The following MATN4 variants were observed in gnomAD, a reference collection of about 807,000 sequenced individuals.
MATN4 encodes matrilin-4.
A neutral mutation model predicts 54.6 loss-of-function variants in MATN4; 40 were observed. The observed-to-expected ratio is 0.73, with a 90% CI of 0.57 to 0.95. MATN4 has a LOEUF of 0.95. Ranked by LOEUF, MATN4 falls within the 40% of genes least tolerant of loss-of-function variation. The pLI, the probability that MATN4 is intolerant of heterozygous loss-of-function variation, is 0.00. For missense variants in MATN4, 810 were observed against 819.1 expected (o/e 0.99, Z 0.13); for synonymous variants, 351 against 345.3 (o/e 1.02, Z -0.18).
At position 45,304,348 on chromosome 20, in the gene MATN4, G is replaced by T; in HGVS notation, c.523C>A (p.Arg175Ser). 6.6e-7 allele frequency: 1 copy of T among 1,506,794 alleles called. No individual in the cohort carries two copies. Among genetic ancestry groups the T allele is most frequent in the Non-Finnish European group, 8.9e-7 (1 of 1,128,444 alleles). The allele number at this position is 1,506,794 out of a possible 1,614,324, so 93.3% of individuals were successfully genotyped here. The change falls in exon 3 of 10, where the codon CGC becomes AGC. Residue 175 changes from arginine (R) to serine (S), a missense_variant. Transcript: ENST00000372756. ...GCGCGCAGGGAGCCCACGTCCGCGC[G>T]CTGCACCCCCACCGCGTAAATTTCA... ...GIEIYAVGVQ[R>S]ADVGSLRAMA...
chr20:45,301,375 A>C lies in MATN4; in HGVS notation c.712T>G (p.Phe238Val). The change falls in exon 4 of 10, where the codon TTC becomes GTC. Residue 238 changes from phenylalanine (F) to valine (V), a missense_variant. By Grantham distance (50) the Phe-to-Val change is conservative (BLOSUM62 -1). Coordinates refer to ENST00000372756, the MANE Select transcript of MATN4 (RefSeq NM_001393530.1). ...ACAAAGCCAACTTGGCAGTGACAGA[A>C]ATAGGAGCCTGGGGAATTGACGCAG... The part of the protein sequence containing the change: ...HHCVNSPGSY[F>V]CHCQVGFVLQ... The C allele has an allele frequency of 6.2e-7, 1 of 1,614,142 alleles. No homozygotes were observed. The highest frequency in any genetic ancestry group is 1.7e-5 in the Admixed American group (1 of 60,030).
rs961418965 is a variant in MATN4 at position 45,303,525 on chromosome 20, G to A, written c.643+703C>T. 51 of 703,896 alleles carry A rather than the reference G, an allele frequency of 7.2e-5. No homozygotes were observed. In the Admixed American group the frequency reaches 9.4e-4, roughly 13 times the overall value. 43.6% of individuals were successfully genotyped at this position (703,896 alleles called of 1,614,324 possible). ...ACTGGTCCTTCCCTGAGGACACACA[G>A]GACTAGAATCAGTAGGGAACAGATG... On this transcript the variant is annotated intron_variant, in intron 3 of 9. Transcript: ENST00000372756.
chr20:45,299,952 T>C (rs1043878123), intron 6 of MATN4, among the ~76,000 whole-genome samples: 4 of 124,988 alleles, frequency 3.2e-5, no homozygotes, highest in African/African-American at 6.4e-5. Context: ...AGCAAGAAAA[T>C]TGGTGTGTGT....
chr20:45,303,348 G>A, intron 3 of MATN4: 1 of 700,868 alleles, frequency 1.4e-6, no homozygotes, highest in Non-Finnish European at 2.7e-6. Context: ...GCCAAAGAAG[G>A]TTCAGGAGCA....
rs1051015374 is a variant in MATN4, at chr20:45,297,767, G to C, written c.1579+151C>G. On this transcript the variant is annotated intron_variant, in intron 8 of 9. Transcript: ENST00000372756. ...CTACCGGGTGACCGCCCTGCCGCTG[G>C]CCTGCAGACCACATTTGGAGTAGCA... The C allele has an allele frequency of 1.4e-5, 13 of 922,450 alleles. No homozygotes were observed. The African/African-American group carries it at 1.6e-4, about 12-fold the overall frequency. 57.1% of individuals were successfully genotyped at this position (922,450 alleles called of 1,614,324 possible).
chr20:45,304,148 T>G, intron 3 of MATN4, 80 bp downstream of exon 3: 7 of 1,244,052 alleles, frequency 5.6e-6, no homozygotes, highest in Non-Finnish European at 7.6e-6. Flanking sequence ...CCCCACGGGA[T>G]GGGATTTACT....
rs183857445 is a variant in MATN4, at chr20:45,304,164, G to T, written c.643+64C>A. 67 of 1,366,526 alleles carry T rather than the reference G, an allele frequency of 4.9e-5. No homozygotes were observed. In the East Asian group the frequency reaches 9.6e-4, roughly 20 times the overall value. The allele number at this position is 1,366,526 out of a possible 1,614,324, so 84.7% of individuals were successfully genotyped here. ...CCCACGGGATGGGATTTACTGTGGT[G>T]GGAAAGGAATCCAAGCATTTGGATT... On this transcript the variant is annotated intron_variant, in intron 3 of 9. Coordinates refer to ENST00000372756, the MANE Select transcript of MATN4 (RefSeq NM_001393530.1).
intron 8 of MATN4, among the ~76,000 whole-genome samples, chr20:45,295,007 C>T (rs868545824): frequency 6.6e-4 from 101 of 152,300 alleles, no homozygotes; most frequent in African/African-American, 2.2e-3. Flanking sequence ...CCATCACCCA[C>T]GGATGGCACC....
At chr20:45,294,107 T>C (rs1985662101) in intron 8 of MATN4, 92 bp from the exon 9 acceptor site, 1 of 998,602 alleles carries the variant, frequency 1.0e-6, no homozygotes, top group African/African-American at 1.6e-5. Flanking sequence ...GTTGAGTATA[T>C]GGGCTTTGGA....
chr20:45,298,490 T>A lies in MATN4; in HGVS notation c.1106A>T (p.Asn369Ile). 2.5e-6 allele frequency: 4 copies of A among 1,613,652 alleles called. No individual in the cohort carries two copies. Among genetic ancestry groups the A allele is most frequent in the Non-Finnish European group, 3.4e-6 (4 of 1,179,766 alleles). Reference sequence around the variant, plus strand: ...CACATCTAGGAAGTCCACAATCTGGTTCACGAAGCGCTTCACTAGCTCGAA... The same window carrying A: ...CACATCTAGGAAGTCCACAATCTGGATCACGAAGCGCTTCACTAGCTCGAA... ...QNFELVKRFV[N>I]QIVDFLDVSP... The change falls in exon 7 of 10, where the codon AAC (asparagine) becomes ATC (isoleucine). Residue 369 changes from asparagine to isoleucine, a missense_variant. Asn to Ile is a moderately radical substitution (Grantham distance 149, BLOSUM62 -3). Transcript: ENST00000372756. The surrounding 1 kb of genome is among the most constrained non-coding windows in gnomAD (Gnocchi z 4.6).
In MATN4 at chr20:45,304,545, T is replaced by A; in HGVS notation, c.326A>T (p.Gln109Leu). The A allele has an allele frequency of 4.4e-6, 7 of 1,596,658 alleles. No individual in the cohort carries two copies. The highest frequency in any genetic ancestry group is 1.7e-5 in the Admixed American group (1 of 59,646). The change falls in exon 3 of 10, where the codon CAA becomes CTA. Residue 109 changes from glutamine (Q) to leucine (L), a missense_variant. Transcript: ENST00000372756. ...RAIRDLVPLA[Q>L]GTMTGLAIQY... Reference sequence around the variant, plus strand: ...GATTGCCAGTCCCGTCATGGTGCCTTGCGCCAGAGGCACCAGGTCGCGGAT... The same window carrying A: ...GATTGCCAGTCCCGTCATGGTGCCTAGCGCCAGAGGCACCAGGTCGCGGAT...
intron 8 of MATN4, among the ~76,000 whole-genome samples, chr20:45,294,549 G>A (rs1985691640): frequency 6.6e-6 from 1 of 152,252 alleles, no homozygotes; most frequent in South Asian, 2.1e-4. Context: ...ACATGTGGCT[G>A]TTTAACACTT....
intron 1 of MATN4, among the ~76,000 whole-genome samples, chr20:45,306,168 A>C (rs1294994339): frequency 2.0e-5 from 3 of 152,150 alleles, no homozygotes; most frequent in African/African-American, 7.2e-5. Flanking sequence ...AAACAGAAAA[A>C]AACAGGTCTT....
Position 45,300,949 on chromosome 20 carries a change from A to T in MATN4, c.950T>A (p.Leu317His), listed in dbSNP as rs1477113177. ...GCEFQCVSEG[L>H]SYRCLCPEGR... Reference sequence around the variant, plus strand: ...CTCGGGGCACAGGCAGCGGTAGGAGAGGCCCTCGCTCACACACTGGAACTC... The same window carrying T: ...CTCGGGGCACAGGCAGCGGTAGGAGTGGCCCTCGCTCACACACTGGAACTC... Residue 317 changes from leucine to histidine, a missense_variant, in exon 6 of 10, where the codon CTC (leucine) becomes CAC (histidine). Coordinates refer to ENST00000372756, the MANE Select transcript of MATN4 (RefSeq NM_001393530.1). 3 of 1,614,022 alleles carry T rather than the reference A, an allele frequency of 1.9e-6. No individual in the cohort carries two copies. The Admixed American group carries it at 5.0e-5, about 27-fold the overall frequency.
At chr20:45,307,123 C>T (rs1426576244) in intron 1 of MATN4, among the ~76,000 whole-genome samples, 1 of 152,056 alleles carries the variant, frequency 6.6e-6, no homozygotes, top group Non-Finnish European at 1.5e-5. Flanking sequence ...TCTTGAGGCC[C>T]CCTGGCGCCT....
chr20:45,296,137 C>A (rs937813123), intron 8 of MATN4, among the ~76,000 whole-genome samples: 5 of 148,170 alleles, frequency 3.4e-5, no homozygotes, highest in Admixed American at 6.8e-5. Flanking sequence ...ATCGCTTGAA[C>A]CTGGCAGGCA....
chr20:45,308,259 C>CA lies in MATN4; in HGVS notation c.-120_-119insT. On this transcript the variant is annotated 5_prime_UTR_variant, in exon 1 of 10. Coordinates refer to ENST00000372756, the MANE Select transcript of MATN4 (RefSeq NM_001393530.1). The stretch of plus-strand genomic sequence containing the variant: ...CCCGGGCACTTGGACCAGGTAACGG[C>CA]GGCGTGGCAGCGTGCCCTAGGTGGG... 6.3e-7 allele frequency: 1 copy of CA among 1,591,198 alleles called. No homozygotes were observed. The highest frequency in any genetic ancestry group is 8.6e-7 in the Non-Finnish European group (1 of 1,159,412).
At chr20:45,296,907 G>A (rs187178069) in intron 8 of MATN4, among the ~76,000 whole-genome samples, 1 of 151,922 alleles carries the variant, frequency 6.6e-6, no homozygotes, top group East Asian at 1.9e-4. Flanking sequence ...CCAGGCTGGA[G>A]TGCAGTAGTG....
At chr20:45,301,077 A>G in intron 5 of MATN4, 25 bp downstream of exon 5, 1 of 1,614,000 alleles carries the variant, frequency 6.2e-7, no homozygotes, top group Non-Finnish European at 8.5e-7. Flanking sequence ...TACCCCTCCC[A>G]CAAATGTAGG....
Sources: allele counts gnomAD v4.1 joint callset (sites outside exome capture counted in the v4.1 genomes callset), GRCh38; gene constraint gnomAD v4.1.1; non-coding constraint Gnocchi (gnomAD v3.1); transcripts MANE v1.5; gene names NCBI Gene and HGNC (gene_info 2026-07-23, HGNC 2026-07-21).